RNF168: variants seen among roughly 807,000 people sequenced by gnomAD.
RNF168 encodes the protein ring finger protein 168.
Under a neutral mutation model 34.9 loss-of-function variants are expected in RNF168, and 34 were observed. That is an observed-to-expected ratio of 0.97 (90% CI 0.74 to 1.30). The LOEUF is 1.30. Ranked by LOEUF, RNF168 falls within the 50% of genes most tolerant of loss-of-function variation. The pLI is 0.00. For missense variants in RNF168, 725 were observed against 682.5 expected, an observed-to-expected ratio of 1.06 and a Z score of -0.69; for synonymous variants, 264 against 254.7, an observed-to-expected ratio of 1.04 and a Z score of -0.35.
intron 5 of RNF168, 32 bp from the exon 6 acceptor site, chr3:196,472,804 AG>A: frequency 7.6e-7 from 1 of 1,309,536 alleles, no homozygotes; most frequent in Non-Finnish European, 1.1e-6. Flanking sequence ...TGAGTGAACC[AG>A]GGGAAAATAT....
chr3:196,500,672 C>T (rs756813705), intron 1 of RNF168, among the ~76,000 whole-genome samples: 8 of 152,076 alleles, frequency 5.3e-5, no homozygotes, highest in Non-Finnish European at 8.8e-5. Context: ...TAGTCAAAAA[C>T]ATTTTTAAGT....
chr3:196,488,530 CA>C, intron 2 of RNF168, 76 bp downstream of exon 2: 1 of 908,192 alleles, frequency 1.1e-6, no homozygotes, highest in East Asian at 2.5e-5. Context: ...TATATAAGCA[CA>C]AAAAACTAAA....
chr3:196,475,233 T>C lies in RNF168; in HGVS notation c.760A>G (p.Lys254Glu). ...VQEVRKDSVS[K>E]DIDSSDRKSP... is the part of the protein sequence containing the mutation. ...GAACATCTTCAGTATCAACATACCT[T>C]AGATACGGAGTCTTTCCTGACTTCT... The change falls in exon 5 of 6, where the codon AAG becomes GAG. Residue 254 changes from lysine (K) to glutamate (E), a missense_variant and splice_region_variant. Coordinates refer to ENST00000318037, the MANE Select transcript of RNF168 (RefSeq NM_152617.4). 1 of 1,564,356 alleles carries C rather than the reference T, an allele frequency of 6.4e-7. No homozygotes were observed. The highest frequency in any genetic ancestry group is 8.8e-7 in the Non-Finnish European group (1 of 1,134,654).
intron 1 of RNF168, among the ~76,000 whole-genome samples, chr3:196,494,242 T>C (rs1156556330): frequency 6.6e-6 from 1 of 152,214 alleles, no homozygotes; most frequent in Non-Finnish European, 1.5e-5. Context: ...TGCCATCTGT[T>C]GGAAACAACT....
At chr3:196,501,332 A>T (rs1253133948) in intron 1 of RNF168, among the ~76,000 whole-genome samples, 1 of 152,248 alleles carries the variant, frequency 6.6e-6, no homozygotes, top group Non-Finnish European at 1.5e-5. Flanking sequence ...ACCAATGTCC[A>T]GCCAATGGAT....
chr3:196,478,871 GC>G (rs745830341), intron 4 of RNF168, among the ~76,000 whole-genome samples: 1 of 149,732 alleles, frequency 6.7e-6, no homozygotes, highest in Admixed American at 6.8e-5. Context: ...GATCTCGAAT[GC>G]CTGACCTCAG....
intron 4 of RNF168, among the ~76,000 whole-genome samples, chr3:196,481,495 G>A (rs1732288487): frequency 1.3e-5 from 2 of 151,770 alleles, no homozygotes; most frequent in South Asian, 2.1e-4. Context: ...GATATGTGAT[G>A]TAAGATTTTG....
At chr3:196,494,978 G>A (rs1055905966) in intron 1 of RNF168, among the ~76,000 whole-genome samples, 48 of 152,276 alleles carry the variant, frequency 3.2e-4, no homozygotes, top group African/African-American at 1.1e-3. Context: ...AGCCAAGATC[G>A]CTCCCTGGCA....
intron 1 of RNF168, among the ~76,000 whole-genome samples, chr3:196,489,211 T>C: frequency 6.6e-6 from 1 of 152,016 alleles, no homozygotes; most frequent in South Asian, 2.1e-4. Context: ...AAATGGCATA[T>C]GAATGCATAT....
In RNF168 at chr3:196,503,390, G is replaced by T; in HGVS notation, c.-217C>A. 1.7e-6 allele frequency: 1 copy of T among 586,458 alleles called. No homozygotes were observed. The highest frequency in any genetic ancestry group is 3.0e-6 in the Non-Finnish European group (1 of 328,752). 36.3% of individuals were successfully genotyped at this position (586,458 alleles called of 1,614,324 possible). A position where few individuals can be genotyped will look rare whatever the true frequency, so the allele number is the denominator to read the frequency against. The stretch of plus-strand genomic sequence containing the variant: ...GAATACCCCGGAGGGCGGCGTCTTT[G>T]TCCATTTTCAAGGCAAACGTCCCGC... On this transcript the variant is annotated 5_prime_UTR_variant, in exon 1 of 6. Coordinates refer to ENST00000318037, the MANE Select transcript of RNF168 (RefSeq NM_152617.4).
chr3:196,472,573 T>A lies in RNF168; in HGVS notation c.962A>T (p.His321Leu). The change falls in exon 6 of 6, where the codon CAT (histidine) becomes CTT (leucine). Residue 321 changes from histidine to leucine, a missense_variant. Coordinates refer to ENST00000318037, the MANE Select transcript of RNF168 (RefSeq NM_152617.4). ...ACTTAAGACACATAACTCTTTCCCA[T>A]GATTGCTTGGTCTTGTTTTGACGTT... Reference protein sequence around the residue: ...EGNVKTRPSNHGKELCVLSHE... With the variant: ...EGNVKTRPSNLGKELCVLSHE... 6.2e-7 allele frequency: 1 copy of A among 1,614,228 alleles called. No individual in the cohort carries two copies. Among genetic ancestry groups the A allele is most frequent in the South Asian group, 1.1e-5 (1 of 91,088 alleles).
At chr3:196,497,465 T>A (rs1732770763) in intron 1 of RNF168, among the ~76,000 whole-genome samples, 1 of 152,072 alleles carries the variant, frequency 6.6e-6, no homozygotes, top group African/African-American at 2.4e-5. Context: ...AGGTCAGGAC[T>A]TCAAGACCAG....
In RNF168 at chr3:196,471,769, G is replaced by T; in HGVS notation, c.*50C>A. On this transcript the variant is annotated 3_prime_UTR_variant, in exon 6 of 6. Transcript: ENST00000318037. ...GATGAAGATTCCATGATAGGAAAGA[G>T]CTTCACATTCCAGCTTTACTAGATC... 1 of 1,166,708 alleles carries T rather than the reference G, an allele frequency of 8.6e-7. No individual in the cohort carries two copies. Among genetic ancestry groups the T allele is most frequent in the Non-Finnish European group, 1.3e-6 (1 of 773,200 alleles). 72.3% of individuals were successfully genotyped at this position (1,166,708 alleles called of 1,614,324 possible).
intron 1 of RNF168, among the ~76,000 whole-genome samples, chr3:196,489,422 G>T (rs1732538829): frequency 6.6e-6 from 1 of 151,954 alleles, no homozygotes; most frequent in Non-Finnish European, 1.5e-5. Context: ...CGCCTCCCGG[G>T]TTCAAACAAT....
chr3:196,475,661 CTG>C (rs1473687701), intron 4 of RNF168, among the ~76,000 whole-genome samples: 2 of 149,890 alleles, frequency 1.3e-5, no homozygotes, highest in Non-Finnish European at 3.0e-5. Flanking sequence ...CGCCATTCTC[CTG>C]CCTCAGCCTC....
intron 1 of RNF168, among the ~76,000 whole-genome samples, chr3:196,491,873 GC>G (rs1445089194): frequency 6.6e-6 from 1 of 152,162 alleles, no homozygotes; most frequent in Non-Finnish European, 1.5e-5. Flanking sequence ...GCGTGAAACA[GC>G]CAGTCACCAA....
At position 196,472,625 on chromosome 3, in the gene RNF168, A is replaced by T. The variant is rs751683031; in HGVS notation, c.910T>A (p.Cys304Ser). 22 of 1,613,668 alleles carry T rather than the reference A, an allele frequency of 1.4e-5. No homozygotes were observed. Among genetic ancestry groups the T allele is most frequent in the Non-Finnish European group, 1.7e-5 (20 of 1,179,694 alleles). Residue 304 changes from cysteine (C) to serine (S), a missense_variant, in exon 6 of 6, where the codon TGT becomes AGT. By Grantham distance (112) the Cys-to-Ser change is moderately radical (BLOSUM62 -1). Coordinates refer to ENST00000318037, the MANE Select transcript of RNF168 (RefSeq NM_152617.4). ...CCTTCATGGTACCATTCGGCACCAC[A>T]GGCACATAACCATGGCATAGGGGAC... ...IESPMPWLCA[C>S]GAEWYHEGNV...
chr3:196,481,089 A>C (rs1262229561), intron 4 of RNF168, among the ~76,000 whole-genome samples: 1 of 152,230 alleles, frequency 6.6e-6, no homozygotes, highest in African/African-American at 2.4e-5. Flanking sequence ...CTAAAAATGT[A>C]CCTCTGACTT....
chr3:196,493,521 A>C (rs1732646022), intron 1 of RNF168, among the ~76,000 whole-genome samples: 1 of 150,560 alleles, frequency 6.6e-6, no homozygotes, highest in Non-Finnish European at 1.5e-5. Context: ...CATCCAGTCC[A>C]TTTGCTATTT....
Sources: allele counts gnomAD v4.1 joint callset (sites outside exome capture counted in the v4.1 genomes callset), GRCh38; gene constraint gnomAD v4.1.1; transcripts MANE v1.5; gene names NCBI Gene and HGNC (gene_info 2026-07-23, HGNC 2026-07-21).